Variants in CDK7 observed in about 807,000 individuals in gnomAD.
CDK7 encodes the protein cyclin-dependent kinase 7.
CDK7 carries 25 observed loss-of-function variants against 49.1 expected under a neutral mutation model. The observed-to-expected ratio is 0.51, with a 90% CI of 0.37 to 0.71. The LOEUF (loss-of-function observed/expected upper bound fraction) is 0.71. Among genes scored for constraint, CDK7 ranks in the 30% least tolerant of loss-of-function variants. The pLI is 0.00. For missense variants in CDK7, 316 were observed against 411.7 expected (o/e 0.77, Z 2.01); for synonymous variants, 107 against 140.0 (o/e 0.76, Z 1.67).
intron 2 of CDK7, 41 bp downstream of exon 2, chr5:69,235,494 A>G: frequency 3.1e-6 from 4 of 1,311,208 alleles, no homozygotes; most frequent in Non-Finnish European, 4.4e-6. Flanking sequence ...CTCCTTGAAG[A>G]TGTCTGTATT....
intron 2 of CDK7, among the ~76,000 whole-genome samples, chr5:69,240,583 T>A (rs1749299650): frequency 6.6e-6 from 1 of 152,208 alleles, no homozygotes; most frequent in Admixed American, 6.6e-5. Context: ...ATTACTCTAT[T>A]TTTTATTATG....
intron 2 of CDK7, among the ~76,000 whole-genome samples, chr5:69,247,384 T>G (rs571966446): frequency 2.6e-5 from 4 of 152,316 alleles, no homozygotes; most frequent in African/African-American, 7.2e-5. Flanking sequence ...CTATTTTATT[T>G]AATATAACTA....
chr5:69,269,557 C>T (rs535739800), intron 9 of CDK7, among the ~76,000 whole-genome samples: 27 of 152,096 alleles, frequency 1.8e-4, no homozygotes, highest in African/African-American at 6.3e-4. Flanking sequence ...ATTGTAAAGT[C>T]ATGTTAGGAG....
At chr5:69,248,026 T>A (rs760340424) in intron 2 of CDK7, among the ~76,000 whole-genome samples, 2 of 152,216 alleles carry the variant, frequency 1.3e-5, no homozygotes, top group African/African-American at 4.8e-5. Context: ...TACTTACTAT[T>A]ACCAGTGAGT....
chr5:69,276,580 C>G lies in CDK7; in HGVS notation c.902C>G (p.Pro301Arg). The change falls in exon 11 of 12, where the codon CCA (proline) becomes CGA (arginine). Residue 301 changes from proline to arginine, a missense_variant. Physicochemically the swap from Pro to Arg is moderately radical, Grantham distance 103. Transcript: ENST00000256443. Reference protein sequence around the residue: ...KMKYFSNRPGPTPGCQLPRPN... With the variant: ...KMKYFSNRPGRTPGCQLPRPN... Reference sequence around the variant, plus strand: ...AAGTATTTCAGTAATCGGCCAGGGCCAACACCTGGATGTCAGCTGCCAAGA... The same window carrying G: ...AAGTATTTCAGTAATCGGCCAGGGCGAACACCTGGATGTCAGCTGCCAAGA... 6.2e-7 allele frequency: 1 copy of G among 1,613,540 alleles called. No individual in the cohort carries two copies. Among genetic ancestry groups the G allele is most frequent in the Non-Finnish European group, 8.5e-7 (1 of 1,179,962 alleles).
At chr5:69,238,148 G>A (rs896853744) in intron 2 of CDK7, among the ~76,000 whole-genome samples, 6 of 152,112 alleles carry the variant, frequency 3.9e-5, no homozygotes, top group Non-Finnish European at 8.8e-5. Context: ...CTTTTAAAAA[G>A]ATTATGTGGA....
chr5:69,246,635 T>C (rs73125287), intron 2 of CDK7, among the ~76,000 whole-genome samples: 141 of 152,284 alleles, frequency 9.3e-4, no homozygotes, highest in African/African-American at 3.3e-3. Context: ...TTCTTCTAAC[T>C]TTGGGATTGG....
Position 69,254,623 on chromosome 5 carries a change from G to A in CDK7, c.182G>A (p.Arg61Lys). ...AKDGINRTALREIKLLQELSH... is the reference protein window; with the variant it reads ...AKDGINRTALKEIKLLQELSH... ...ATAGGTATAAATAGAACCGCCTTAA[G>A]AGAGATAAAATTATTACAGGAGCTA... Residue 61 changes from arginine to lysine, a missense_variant, in exon 4 of 12, where the codon AGA (arginine) becomes AAA (lysine). By Grantham distance (26) the Arg-to-Lys change is conservative. Coordinates refer to ENST00000256443, the MANE Select transcript of CDK7 (RefSeq NM_001799.4). 1 of 1,518,904 alleles carries A rather than the reference G, an allele frequency of 6.6e-7. No homozygotes were observed. The allele number at this position is 1,518,904 out of a possible 1,614,324, so 94.1% of individuals were successfully genotyped here. A position where few individuals can be genotyped will look rare whatever the true frequency, so the allele number is the denominator to read the frequency against.
intron 3 of CDK7, 43 bp downstream of exon 3, chr5:69,252,494 C>CTTTTT (rs138764556): frequency 4.7e-5 from 17 of 364,290 alleles, no homozygotes; most frequent in South Asian, 1.7e-4. Flanking sequence ...AAGTTTTCTC[C>CTTTTT]TTTTTTTTTT....
Position 69,269,238 on chromosome 5 carries a change from A to G in CDK7, c.659A>G (p.Asp220Gly). 1 of 1,612,208 alleles carries G rather than the reference A, an allele frequency of 6.2e-7. No homozygotes were observed. The highest frequency in any genetic ancestry group is 8.5e-7 in the Non-Finnish European group (1 of 1,179,282). The change falls in exon 9 of 12, where the codon GAT (aspartate) becomes GGT (glycine). Residue 220 changes from aspartate (D) to glycine (G), a missense_variant. Coordinates refer to ENST00000256443, the MANE Select transcript of CDK7 (RefSeq NM_001799.4). ...TTTTTGCCAGGAGATTCAGACCTTG[A>G]TCAGCTAACAAGAATATTTGAAACT... The part of the protein sequence containing the change: ...VPFLPGDSDL[D>G]QLTRIFETLG...
chr5:69,267,292 C>T lies in CDK7; in HGVS notation c.628-1915C>T, dbSNP rs1386241372. On this transcript the variant is annotated intron_variant, in intron 8 of 11. Transcript: ENST00000256443. ...TTAGTATTTTTCTCTATAAGGATTC[C>T]TTTTTTTTTTTTTTTTTTTTTTTTT... Among the ~76,000 whole-genome samples the T allele has an allele frequency of 5.1e-3, 468 of 91,090 alleles. 2 individuals are homozygous for T. Among genetic ancestry groups the T allele is most frequent in the Admixed American group, 0.029 (196 of 6,680 alleles). 59.8% of individuals were successfully genotyped at this position (91,090 alleles called of 152,430 possible).
intron 10 of CDK7, among the ~76,000 whole-genome samples, chr5:69,273,435 C>T (rs528723908): frequency 6.6e-6 from 1 of 152,206 alleles, no homozygotes; most frequent in South Asian, 2.1e-4. Flanking sequence ...GTAGTTTGTT[C>T]GGCTTATTTT....
At chr5:69,236,715 G>A (rs1216045381) in intron 2 of CDK7, among the ~76,000 whole-genome samples, 3 of 151,326 alleles carry the variant, frequency 2.0e-5, no homozygotes, top group East Asian at 1.9e-4. Flanking sequence ...GCAATTGTGC[G>A]ATTTCGGCTC....
chr5:69,245,491 C>G (rs1749693477), intron 2 of CDK7, among the ~76,000 whole-genome samples: 2 of 151,848 alleles, frequency 1.3e-5, no homozygotes, highest in Non-Finnish European at 1.5e-5. Context: ...CAGGCATGCA[C>G]CACCACGCCT....
intron 7 of CDK7, 27 bp downstream of exon 7, chr5:69,259,963 C>T (rs1165578996): frequency 1.5e-6 from 2 of 1,369,146 alleles, no homozygotes; most frequent in Non-Finnish European, 2.1e-6. Context: ...GCTACATGTG[C>T]AGGAGTTTGA....
At chr5:69,267,971 T>C (rs1200153947) in intron 8 of CDK7, among the ~76,000 whole-genome samples, 1 of 152,212 alleles carries the variant, frequency 6.6e-6, no homozygotes, top group African/African-American at 2.4e-5. Flanking sequence ...TTTTTTGTTT[T>C]TTGTTTTTAA....
intron 2 of CDK7, among the ~76,000 whole-genome samples, chr5:69,252,147 A>C (rs1750183339): frequency 6.6e-6 from 1 of 152,316 alleles, no homozygotes; most frequent in Non-Finnish European, 1.5e-5. Context: ...TTGAACCTTG[A>C]AAAGGTAAAA....
chr5:69,273,740 CAT>C (rs1224364450), intron 10 of CDK7, among the ~76,000 whole-genome samples: 2 of 152,160 alleles, frequency 1.3e-5, no homozygotes, highest in East Asian at 3.8e-4. Context: ...TTTATGGAAA[CAT>C]ATTAATGTAC....
chr5:69,247,042 C>T (rs994679257), intron 2 of CDK7, among the ~76,000 whole-genome samples: 2 of 152,146 alleles, frequency 1.3e-5, no homozygotes, highest in Admixed American at 6.6e-5. Context: ...GAGAATCATT[C>T]ATTTGCTGAG....
Sources: gnomAD v4.1 joint callset for allele counts (sites outside exome capture counted in the v4.1 genomes callset) on GRCh38, gnomAD v4.1.1 for gene constraint, MANE v1.5 for transcripts, NCBI Gene and HGNC (gene_info 2026-07-23, HGNC 2026-07-21) for gene names.